Variants in SLC31A2 observed in about 807,000 individuals in gnomAD.
SLC31A2 encodes protein SLC31A2.
SLC31A2 carries 16 observed loss-of-function variants against 14.4 expected under a neutral mutation model. The ratio of observed to expected loss-of-function variants is 1.11; its 90% CI spans 0.75 to 1.69. The LOEUF is 1.69. Ranked by LOEUF, SLC31A2 falls within the 40% of genes most tolerant of loss-of-function variation. The pLI, the probability that SLC31A2 is intolerant of heterozygous loss-of-function variation, is 0.00. For missense variants in SLC31A2, 140 were observed against 173.9 expected, an observed-to-expected ratio of 0.81 and a Z score of 1.10; for synonymous variants, 56 against 68.7, an observed-to-expected ratio of 0.82 and a Z score of 0.91.
At position 113,159,478 on chromosome 9, in the gene SLC31A2, T is replaced by C. The variant is rs149004461; in HGVS notation, c.73+1685T>C. ...TTTTGCACTGTTTGAAGTTTCACCA[T>C]GTACATGAAATTACCTATAATTTTA... On this transcript the variant is annotated intron_variant, in intron 2 of 3. Transcript: ENST00000259392. Among the ~76,000 whole-genome samples, 953 of 152,250 alleles carry C rather than the reference T, an allele frequency of 6.3e-3. 8 individuals carry two copies. The highest frequency in any genetic ancestry group is 0.021 in the African/African-American group (877 of 41,532).
intron 1 of SLC31A2, among the ~76,000 whole-genome samples, chr9:113,154,675 C>G (rs528773604): frequency 1.3e-5 from 2 of 152,228 alleles, no homozygotes; most frequent in African/African-American, 4.8e-5. Context: ...TGTGGTTTCC[C>G]AGTGATTCAC....
At chr9:113,153,442 C>T (rs1369355139) in intron 1 of SLC31A2, among the ~76,000 whole-genome samples, 1 of 151,592 alleles carries the variant, frequency 6.6e-6, no homozygotes, top group Non-Finnish European at 1.5e-5. Flanking sequence ...AAACACCTGT[C>T]CTAGAAACAC....
chr9:113,156,853 C>T (rs532468019), intron 1 of SLC31A2, among the ~76,000 whole-genome samples: 1 of 152,326 alleles, frequency 6.6e-6, no homozygotes, highest in South Asian at 2.1e-4. Flanking sequence ...ATGTCCAGGG[C>T]TTTGGAATCC....
chr9:113,153,005 G>A (rs770790662), intron 1 of SLC31A2, among the ~76,000 whole-genome samples: 14 of 152,210 alleles, frequency 9.2e-5, no homozygotes, highest in Non-Finnish European at 1.8e-4. Flanking sequence ...GATGGTGCTA[G>A]AGGCTTCTGC....
At position 113,153,176 on chromosome 9, in the gene SLC31A2, T is replaced by A. The variant is rs895672489; in HGVS notation, c.6+2096T>A. ...GATCTCTGAGTAGTAAGACTCAAAA[T>A]GATTTTTTACTTTCTTTTCGGTACT... On this transcript the variant is annotated intron_variant, in intron 1 of 3. Transcript: ENST00000259392. Among the ~76,000 whole-genome samples the A allele has an allele frequency of 2.7e-5, 4 of 149,282 alleles. No individual in the cohort carries two copies. The South Asian group carries it at 8.5e-4, about 32-fold the overall frequency.
At chr9:113,153,195 C>A (rs929769001) in intron 1 of SLC31A2, among the ~76,000 whole-genome samples, 7 of 142,088 alleles carry the variant, frequency 4.9e-5, no homozygotes, top group Non-Finnish European at 1.1e-4. Flanking sequence ...ACTTTCTTTT[C>A]GGTACTGTGT....
chr9:113,151,089 C>T lies in SLC31A2; in HGVS notation c.6+9C>T. On this transcript the variant is annotated intron_variant, in intron 1 of 3. Coordinates refer to ENST00000259392, the MANE Select transcript of SLC31A2 (RefSeq NM_001860.3). The surrounding 1 kb of genome is among the most constrained non-coding windows in gnomAD (Gnocchi z 4.2). ...GCGCACTCACCATGGCGGTAAGGGCCGGGCGCTACGGTGAAGAGGGTGGGC... is the reference window on the plus strand; with the variant it reads ...GCGCACTCACCATGGCGGTAAGGGCTGGGCGCTACGGTGAAGAGGGTGGGC... 2.3e-6 allele frequency: 3 copies of T among 1,305,368 alleles called. No homozygotes were observed. Among genetic ancestry groups the T allele is most frequent in the South Asian group, 5.9e-5 (2 of 33,626 alleles). The allele number at this position is 1,305,368 out of a possible 1,614,324, so 80.9% of individuals were successfully genotyped here. A position where few individuals can be genotyped will look rare whatever the true frequency, so the allele number is the denominator to read the frequency against.
intron 1 of SLC31A2, among the ~76,000 whole-genome samples, chr9:113,154,531 T>C (rs1462249460): frequency 6.6e-6 from 1 of 152,240 alleles, no homozygotes; most frequent in African/African-American, 2.4e-5. Flanking sequence ...CTCCTGTGGC[T>C]CTGACCCTGG....
chr9:113,156,609 C>A (rs919780531), intron 1 of SLC31A2, among the ~76,000 whole-genome samples: 1 of 152,210 alleles, frequency 6.6e-6, no homozygotes, highest in Non-Finnish European at 1.5e-5. Flanking sequence ...CAGCCAGGAT[C>A]TCCTTAGCTG....
intron 1 of SLC31A2, among the ~76,000 whole-genome samples, chr9:113,153,859 A>C (rs1333658196): frequency 6.6e-6 from 1 of 152,080 alleles, no homozygotes; most frequent in Non-Finnish European, 1.5e-5. Flanking sequence ...TGTAGGGAGT[A>C]GAACAGCCAG....
At chr9:113,158,238 A>C (rs1829959698) in intron 2 of SLC31A2, 12 of 337,756 alleles carry the variant, frequency 3.6e-5, no homozygotes, top group South Asian at 2.7e-4. Context: ...AAAGGAAAGA[A>C]TATTCCTTTG....
intron 3 of SLC31A2, 193 bp downstream of exon 3, chr9:113,161,891 CTG>C (rs1830020080): frequency 7.2e-6 from 5 of 693,544 alleles, no homozygotes; most frequent in East Asian, 2.7e-5. Context: ...CCAAAGCACT[CTG>C]TGAACAGCCA....
intron 2 of SLC31A2, among the ~76,000 whole-genome samples, chr9:113,159,385 G>A (rs1432603111): frequency 2.6e-5 from 4 of 152,008 alleles, no homozygotes; most frequent in Non-Finnish European, 5.9e-5. Context: ...CACCCACCTC[G>A]ACCTCCCAAA....
intron 1 of SLC31A2, chr9:113,156,132 AC>A (rs770753202): frequency 1.9e-6 from 1 of 517,458 alleles, no homozygotes; most frequent in Non-Finnish European, 3.9e-6. Flanking sequence ...CTACCTTTCC[AC>A]CCCCACACTG....
rs201226310 is a variant in SLC31A2, at chr9:113,151,968, G to A, written c.6+888G>A. Reference sequence around the variant, plus strand: ...CAAACAAACAAAACAAAAAAAAAAAGATATAGGAAGTGTATGTAGGCCATT... The same window carrying A: ...CAAACAAACAAAACAAAAAAAAAAAAATATAGGAAGTGTATGTAGGCCATT... On this transcript the variant is annotated intron_variant, in intron 1 of 3. Transcript: ENST00000259392. The surrounding 1 kb of genome is among the most constrained non-coding windows in gnomAD (Gnocchi z 4.2). 2.1e-5 allele frequency: 3 copies of A among 144,370 alleles called. No individual in the cohort carries two copies. The highest frequency in any genetic ancestry group is 3.1e-5 in the Non-Finnish European group (2 of 65,244). 8.9% of individuals were successfully genotyped at this position (144,370 alleles called of 1,614,324 possible). A position where few individuals can be genotyped will look rare whatever the true frequency, so the allele number is the denominator to read the frequency against.
chr9:113,157,794 G>A lies in SLC31A2; in HGVS notation c.73+1G>A. 6.2e-7 allele frequency: 1 copy of A among 1,611,330 alleles called. No homozygotes were observed. Among genetic ancestry groups the A allele is most frequent in the Non-Finnish European group, 8.5e-7 (1 of 1,178,268 alleles). ...TTCTGGAGTGTCCACAGTCCTGCTG[G>A]TAAGAATTGGGGACCTCAGACTTGT... On this transcript the variant is annotated splice_donor_variant, in intron 2 of 3. Coordinates refer to ENST00000259392, the MANE Select transcript of SLC31A2 (RefSeq NM_001860.3). LOFTEE classifies it high-confidence loss of function.
chr9:113,160,738 A>C (rs535735146), intron 2 of SLC31A2, among the ~76,000 whole-genome samples: 39 of 152,152 alleles, frequency 2.6e-4, no homozygotes, highest in Non-Finnish European at 5.3e-4. Flanking sequence ...CTCCAAGCAC[A>C]AGTTTGGCTC....
chr9:113,161,649 G>A lies in SLC31A2; in HGVS notation c.214G>A (p.Gly72Arg), dbSNP rs535328790. ...ISQQTIAETD[G>R]DSAGSDSFPV... ...CCAGCAGACCATCGCAGAGACAGAC[G>A]GGGACTCTGCAGGCTCAGATTCATT... The change falls in exon 3 of 4, where the codon GGG becomes AGG. Residue 72 changes from glycine to arginine, a missense_variant. Transcript: ENST00000259392. 17 of 1,613,960 alleles carry A rather than the reference G, an allele frequency of 1.1e-5. No individual in the cohort carries two copies. In the East Asian group the frequency reaches 1.3e-4, roughly 13 times the overall value.
At chr9:113,152,554 G>T (rs1258867203) in intron 1 of SLC31A2, among the ~76,000 whole-genome samples, 1 of 152,174 alleles carries the variant, frequency 6.6e-6, no homozygotes. Context: ...TCTGGCCAGG[G>T]CAGGTGTCTC....
Sources: allele counts gnomAD v4.1 joint callset (sites outside exome capture counted in the v4.1 genomes callset), GRCh38; gene constraint gnomAD v4.1.1; non-coding constraint Gnocchi (gnomAD v3.1); transcripts MANE v1.5; gene names NCBI Gene and HGNC (gene_info 2026-07-23, HGNC 2026-07-21).